The following CRPPA variants were observed in gnomAD, a reference collection of about 807,000 sequenced individuals.
CRPPA encodes the protein D-ribitol-5-phosphate cytidylyltransferase.
Under a neutral mutation model 52.0 loss-of-function variants are expected in CRPPA, and 43 were observed. The ratio of observed to expected loss-of-function variants is 0.83; its 90% CI spans 0.65 to 1.07. CRPPA has a LOEUF of 1.07. Ranked by LOEUF, CRPPA falls within the 50% of genes least tolerant of loss-of-function variation. The pLI is 0.00. For missense variants in CRPPA, 629 were observed against 551.7 expected, an observed-to-expected ratio of 1.14 and a Z score of -1.40; for synonymous variants, 250 against 203.5, an observed-to-expected ratio of 1.23 and a Z score of -1.94.
intron 9 of CRPPA, among the ~76,000 whole-genome samples, chr7:16,207,977 C>A (rs1782013169): frequency 6.6e-6 from 1 of 152,168 alleles, no homozygotes; most frequent in African/African-American, 2.4e-5. Flanking sequence ...TAATATACAA[C>A]TATCCCCTGG....
At chr7:16,217,942 G>A (rs1236189745) in intron 8 of CRPPA, among the ~76,000 whole-genome samples, 3 of 150,672 alleles carry the variant, frequency 2.0e-5, no homozygotes, top group Admixed American at 6.6e-5. Context: ...TACAGAGAAC[G>A]CCACAAAGAT....
At chr7:16,373,713 G>C (rs1382866761) in intron 3 of CRPPA, among the ~76,000 whole-genome samples, 1 of 152,156 alleles carries the variant, frequency 6.6e-6, no homozygotes, top group Non-Finnish European at 1.5e-5. Context: ...AGAAAGTAAG[G>C]TTCTAGATAG....
chr7:16,258,314 G>C lies in CRPPA; in HGVS notation c.1119+76C>G, dbSNP rs539852970. 4.3e-6 allele frequency: 4 copies of C among 932,614 alleles called. No individual in the cohort carries two copies. The East Asian group carries it at 1.1e-4, about 25-fold the overall frequency. The allele number at this position is 932,614 out of a possible 1,614,324, so 57.8% of individuals were successfully genotyped here. Reference sequence around the variant, plus strand: ...TGGGTCAATGCTCTCAATTGGATGAGTTTTTAAAAATATGTACATTGAGTT... The same window carrying C: ...TGGGTCAATGCTCTCAATTGGATGACTTTTTAAAAATATGTACATTGAGTT... On this transcript the variant is annotated intron_variant, in intron 8 of 9. Transcript: ENST00000407010.
At chr7:16,348,707 T>C (rs1313355918) in intron 3 of CRPPA, among the ~76,000 whole-genome samples, 1 of 145,626 alleles carries the variant, frequency 6.9e-6, no homozygotes, top group Admixed American at 6.9e-5. Context: ...TCCACTTGCA[T>C]CTGGGAGCTA....
chr7:16,255,768 C>A (rs1426823106), intron 8 of CRPPA, among the ~76,000 whole-genome samples: 1 of 152,062 alleles, frequency 6.6e-6, no homozygotes, highest in East Asian at 1.9e-4. Flanking sequence ...GGATCCCTTC[C>A]TTATGCCTTA....
intron 3 of CRPPA, among the ~76,000 whole-genome samples, chr7:16,366,119 T>C (rs926765120): frequency 6.6e-6 from 1 of 152,190 alleles, no homozygotes. Flanking sequence ...AGCACCTTCT[T>C]GTTGCATCAT....
chr7:16,331,277 G>A (rs1221430412), intron 3 of CRPPA, among the ~76,000 whole-genome samples: 1 of 152,172 alleles, frequency 6.6e-6, no homozygotes, highest in Non-Finnish European at 1.5e-5. Context: ...GGGATTACAG[G>A]CGTGAGCCAC....
chr7:16,328,294 G>A lies in CRPPA; in HGVS notation c.685-19667C>T, dbSNP rs545849237. On this transcript the variant is annotated intron_variant, in intron 3 of 9. Transcript: ENST00000407010. ...GCCCAAATGATTTATATACCTGGAC[G>A]TTTCATTACGCAAAAATTCTAATAA... is the stretch of plus-strand genomic sequence containing the variant. Among the ~76,000 whole-genome samples, 12 of 152,174 alleles carry A rather than the reference G, an allele frequency of 7.9e-5. No homozygotes were observed. In the South Asian group the frequency reaches 2.3e-3, roughly 29 times the overall value.
chr7:16,417,455 T>C (rs1788221276), intron 1 of CRPPA, among the ~76,000 whole-genome samples: 1 of 152,194 alleles, frequency 6.6e-6, no homozygotes, highest in Non-Finnish European at 1.5e-5. Context: ...GAATACTATG[T>C]AGCCATAAAA....
At chr7:16,395,069 C>T (rs1373391323) in intron 2 of CRPPA, among the ~76,000 whole-genome samples, 1 of 152,126 alleles carries the variant, frequency 6.6e-6, no homozygotes, top group Non-Finnish European at 1.5e-5. Context: ...GCCTGCAAGG[C>T]ACATCTCCCT....
At chr7:16,400,723 C>T (rs1182470211) in intron 2 of CRPPA, among the ~76,000 whole-genome samples, 1 of 152,214 alleles carries the variant, frequency 6.6e-6, no homozygotes, top group Non-Finnish European at 1.5e-5. Flanking sequence ...GTTTGTGACA[C>T]GTGACCAACA....
intron 6 of CRPPA, among the ~76,000 whole-genome samples, chr7:16,264,017 CTT>C (rs1783888660): frequency 6.6e-6 from 1 of 152,038 alleles, no homozygotes; most frequent in South Asian, 2.1e-4. Flanking sequence ...AATTGAGACT[CTT>C]AATAATTGTT....
chr7:16,194,687 G>A (rs1258816830), intron 9 of CRPPA, among the ~76,000 whole-genome samples: 1 of 152,060 alleles, frequency 6.6e-6, no homozygotes, highest in African/African-American at 2.4e-5. Flanking sequence ...GAATTGCAGT[G>A]TATAAATTAT....
chr7:16,340,049 A>C (rs1785782804), intron 3 of CRPPA, among the ~76,000 whole-genome samples: 1 of 152,190 alleles, frequency 6.6e-6, no homozygotes, highest in African/African-American at 2.4e-5. Context: ...CTGGACATCC[A>C]GATGCAAAAA....
chr7:16,317,390 C>T (rs528163706), intron 3 of CRPPA, among the ~76,000 whole-genome samples: 1 of 152,110 alleles, frequency 6.6e-6, no homozygotes, highest in Non-Finnish European at 1.5e-5. Context: ...ATTGTTAACC[C>T]TAAAAATTGA....
intron 9 of CRPPA, among the ~76,000 whole-genome samples, chr7:16,184,551 A>C (rs935553700): frequency 1.3e-5 from 2 of 152,198 alleles, no homozygotes; most frequent in African/African-American, 4.8e-5. Context: ...AAAACTCAGA[A>C]GATACTGTTT....
chr7:16,157,596 G>GA (rs1264586989), intron 9 of CRPPA, among the ~76,000 whole-genome samples: 2 of 151,746 alleles, frequency 1.3e-5, no homozygotes, highest in Admixed American at 6.6e-5. Flanking sequence ...TAAAAGCTAA[G>GA]AAAAAAGGGA....
chr7:16,173,133 G>A (rs1344788839), intron 9 of CRPPA, among the ~76,000 whole-genome samples: 3 of 152,138 alleles, frequency 2.0e-5, no homozygotes, highest in Non-Finnish European at 4.4e-5. Flanking sequence ...TCTTGCTGAT[G>A]CCTGAGTCCT....
chr7:16,195,582 A>G (rs1166130351), intron 9 of CRPPA, among the ~76,000 whole-genome samples: 1 of 141,338 alleles, frequency 7.1e-6, no homozygotes, highest in Non-Finnish European at 1.5e-5. Context: ...AGAGTCTAAG[A>G]AAGTGCAGCA....
Sources: gnomAD v4.1 joint callset for allele counts (sites outside exome capture counted in the v4.1 genomes callset) on GRCh38, gnomAD v4.1.1 for gene constraint, MANE v1.5 for transcripts, NCBI Gene and HGNC (gene_info 2026-07-23, HGNC 2026-07-21) for gene names.